SPRYD7: variants seen among roughly 807,000 people sequenced by gnomAD.
The protein encoded by SPRYD7 is SPRY domain containing 7.
In SPRYD7, 14 loss-of-function variants were observed where a neutral mutation model predicts 23.8. That is an observed-to-expected ratio of 0.59 (90% CI 0.39 to 0.92). The LOEUF (loss-of-function observed/expected upper bound fraction) is 0.92. Ranked by LOEUF, SPRYD7 falls within the 40% of genes least tolerant of loss-of-function variation. The pLI, the probability that SPRYD7 is intolerant of heterozygous loss-of-function variation, is 0.00. For missense variants in SPRYD7, 194 were observed against 241.7 expected (o/e 0.80, Z 1.31); for synonymous variants, 75 against 84.9 (o/e 0.88, Z 0.64).
At chr13:49,925,729 G>A (rs1390474356) in intron 3 of SPRYD7, among the ~76,000 whole-genome samples, 3 of 150,452 alleles carry the variant, frequency 2.0e-5, no homozygotes, top group South Asian at 2.1e-4. Context: ...GGAGTATGGC[G>A]TGAACCCAGG....
At chr13:49,916,578 T>C (rs933428818) in intron 4 of SPRYD7, among the ~76,000 whole-genome samples, 1 of 148,554 alleles carries the variant, frequency 6.7e-6, no homozygotes, top group African/African-American at 2.5e-5. Flanking sequence ...GTAACAAACC[T>C]TCACATGTAC....
At chr13:49,929,686 G>A (rs903792127) in intron 2 of SPRYD7, among the ~76,000 whole-genome samples, 6 of 151,944 alleles carry the variant, frequency 3.9e-5, no homozygotes, top group African/African-American at 9.7e-5. Flanking sequence ...TAGTAGAAAC[G>A]GGGTTTCACT....
In SPRYD7 at chr13:49,936,219, A is replaced by C. The variant is rs774197442; in HGVS notation, c.17T>G (p.Leu6Trp). MATSVLCCLRCCRDGG... is the reference protein window; with the variant it reads MATSVWCCLRCCRDGG... Reference sequence around the variant, plus strand: ...GTCTCTGCAGCACCGCAGGCAGCACAACACCGAGGTGGCCATCGCGCAGGG... The same window carrying C: ...GTCTCTGCAGCACCGCAGGCAGCACCACACCGAGGTGGCCATCGCGCAGGG... Residue 6 changes from leucine to tryptophan, a missense_variant, in exon 1 of 5, where the codon TTG becomes TGG. Physicochemically the swap from Leu to Trp is moderately conservative, Grantham distance 61 (BLOSUM62 -2). Transcript: ENST00000361840. 1.6e-5 allele frequency: 25 copies of C among 1,604,826 alleles called. No individual in the cohort carries two copies. The African/African-American group carries it at 3.1e-4, about 20-fold the overall frequency.
chr13:49,929,944 G>A (rs1042168366), intron 2 of SPRYD7, among the ~76,000 whole-genome samples: 2 of 151,852 alleles, frequency 1.3e-5, no homozygotes, highest in Admixed American at 6.6e-5. Context: ...TGCCCACCAC[G>A]ATGCCTGGAT....
At chr13:49,925,373 CAG>C (rs1285203654) in intron 3 of SPRYD7, among the ~76,000 whole-genome samples, 1 of 152,048 alleles carries the variant, frequency 6.6e-6, no homozygotes, top group Non-Finnish European at 1.5e-5. Flanking sequence ...GCCTGGGCAA[CAG>C]AGTGAGACTC....
chr13:49,917,354 C>T (rs1343845750), intron 4 of SPRYD7, among the ~76,000 whole-genome samples: 1 of 152,222 alleles, frequency 6.6e-6, no homozygotes, highest in Non-Finnish European at 1.5e-5. Context: ...CCGCCTGCCT[C>T]AGCCTCCCAA....
chr13:49,918,660 G>A (rs1955779733), intron 4 of SPRYD7, among the ~76,000 whole-genome samples: 1 of 151,834 alleles, frequency 6.6e-6, no homozygotes. Context: ...TTACAGGCAT[G>A]AGCCACCGTG....
At chr13:49,934,427 C>T (rs186584341) in intron 1 of SPRYD7, among the ~76,000 whole-genome samples, 116 of 151,716 alleles carry the variant, frequency 7.6e-4, no homozygotes, top group Admixed American at 2.1e-3. Context: ...TGATGGTGGG[C>T]GCCTGTAATC....
At chr13:49,918,123 G>A (rs746113480) in intron 4 of SPRYD7, among the ~76,000 whole-genome samples, 9 of 152,146 alleles carry the variant, frequency 5.9e-5, no homozygotes, top group Admixed American at 1.3e-4. Flanking sequence ...GCAGCGGCAC[G>A]ATGATCACTG....
chr13:49,925,886 G>A (rs1566405149), intron 3 of SPRYD7, among the ~76,000 whole-genome samples: 1 of 151,596 alleles, frequency 6.6e-6, no homozygotes, highest in African/African-American at 2.4e-5. Flanking sequence ...GTAGCAGGCC[G>A]TGCTGTACTG....
intron 4 of SPRYD7, among the ~76,000 whole-genome samples, chr13:49,921,024 G>C (rs1393972090): frequency 6.6e-6 from 1 of 152,122 alleles, no homozygotes; most frequent in Non-Finnish European, 1.5e-5. Flanking sequence ...ATTTCTAGAT[G>C]ATAGCTATAA....
chr13:49,922,224 T>C (rs2138221493), intron 3 of SPRYD7, among the ~76,000 whole-genome samples: 1 of 151,430 alleles, frequency 6.6e-6, no homozygotes, highest in Admixed American at 6.6e-5. Flanking sequence ...AATTACTCGG[T>C]ACACTATTGA....
chr13:49,933,944 A>G (rs530777010), intron 1 of SPRYD7, among the ~76,000 whole-genome samples: 28 of 152,342 alleles, frequency 1.8e-4, no homozygotes, highest in African/African-American at 4.8e-4. Flanking sequence ...AAATTATGCC[A>G]TAGAAAATTC....
chr13:49,932,980 C>T (rs1871448567), intron 1 of SPRYD7, among the ~76,000 whole-genome samples: 1 of 152,164 alleles, frequency 6.6e-6, no homozygotes, highest in South Asian at 2.1e-4. Context: ...TGGAGAGCAT[C>T]CTCCTTGATG....
intron 4 of SPRYD7, among the ~76,000 whole-genome samples, chr13:49,919,756 A>G (rs1955796505): frequency 6.6e-6 from 1 of 150,632 alleles, no homozygotes; most frequent in East Asian, 1.9e-4. Flanking sequence ...AGTTGATAGT[A>G]TAAAAAATAA....
chr13:49,916,097 A>C (rs1311253773), intron 4 of SPRYD7, among the ~76,000 whole-genome samples: 1 of 152,086 alleles, frequency 6.6e-6, no homozygotes, highest in Non-Finnish European at 1.5e-5. Flanking sequence ...GGGGTGGTGA[A>C]TATGTTCATT....
chr13:49,925,654 T>G (rs1024813351), intron 3 of SPRYD7, among the ~76,000 whole-genome samples: 5 of 148,402 alleles, frequency 3.4e-5, no homozygotes, highest in Non-Finnish European at 6.0e-5. Flanking sequence ...TAGTAAAAAA[T>G]GAAAAAAATT....
At chr13:49,927,896 A>G in intron 3 of SPRYD7, 23 bp downstream of exon 3, 1 of 1,612,900 alleles carries the variant, frequency 6.2e-7, no homozygotes, top group Non-Finnish European at 8.5e-7. Context: ...TACAGTGGAA[A>G]GCAACTCCAT....
At chr13:49,919,780 G>T (rs1955797038) in intron 4 of SPRYD7, among the ~76,000 whole-genome samples, 2 of 143,318 alleles carry the variant, frequency 1.4e-5, no homozygotes, top group Admixed American at 7.0e-5. Flanking sequence ...AGAATGGATT[G>T]ATAAAGACAT....
Sources: gnomAD v4.1 joint callset for allele counts (sites outside exome capture counted in the v4.1 genomes callset) on GRCh38, gnomAD v4.1.1 for gene constraint, MANE v1.5 for transcripts, NCBI Gene and HGNC (gene_info 2026-07-23, HGNC 2026-07-21) for gene names.